Variants in ATP10B observed in about 807,000 individuals in gnomAD.
ATP10B encodes the protein phospholipid-transporting ATPase VB.
In ATP10B, 122 loss-of-function variants were observed where a neutral mutation model predicts 141.2. The ratio of observed to expected loss-of-function variants is 0.86; its 90% CI spans 0.75 to 1.00. The LOEUF is 1.00. ATP10B is among the 50% of genes least tolerant of loss of function. The probability of loss-of-function intolerance (pLI) is 0.00; values close to 1 mark genes in which losing one functional copy is unlikely to be tolerated. For synonymous variants in ATP10B, 685 were observed against 692.0 expected, an observed-to-expected ratio of 0.99 and a Z score of 0.16; for missense variants, 1,876 against 1,825.3, an observed-to-expected ratio of 1.03 and a Z score of -0.51.
the ATP10B span, among the ~76,000 whole-genome samples, chr5:160,894,518 G>A: frequency 6.6e-6 from 1 of 151,934 alleles, no homozygotes; most frequent in African/African-American, 2.4e-5. Flanking sequence ...AGAATGAGAA[G>A]GAACAAACAA....
chr5:160,898,215 C>A, the ATP10B span, among the ~76,000 whole-genome samples: 1 of 152,048 alleles, frequency 6.6e-6, no homozygotes, highest in South Asian at 2.1e-4. Context: ...GAATAGGAAA[C>A]CTACAGAATG....
chr5:160,883,945 A>G, the ATP10B span, among the ~76,000 whole-genome samples: 2 of 152,192 alleles, frequency 1.3e-5, no homozygotes, highest in Admixed American at 1.3e-4. Context: ...TTAAGACTCT[A>G]TCAGGAAATC....
the ATP10B span, among the ~76,000 whole-genome samples, chr5:160,908,878 G>T: frequency 6.6e-6 from 1 of 152,082 alleles, no homozygotes; most frequent in African/African-American, 2.4e-5. Context: ...TCAAATCTAA[G>T]CTTCTGCTAG....
intron 6 of ATP10B, among the ~76,000 whole-genome samples, chr5:160,682,728 T>G (rs987608558): frequency 2.0e-5 from 3 of 151,972 alleles, no homozygotes; most frequent in African/African-American, 7.3e-5. Context: ...TGACGGTGGA[T>G]TGGTGCCAAA....
intron 22 of ATP10B, among the ~76,000 whole-genome samples, chr5:160,594,529 A>C (rs1324076077): frequency 6.6e-5 from 10 of 151,962 alleles, no homozygotes; most frequent in Non-Finnish European, 1.2e-4. Flanking sequence ...ATCAAATTCA[A>C]ACATAACAAT....
chr5:160,720,628 A>G (rs2127781333), intron 2 of ATP10B, among the ~76,000 whole-genome samples: 1 of 152,318 alleles, frequency 6.6e-6, no homozygotes, highest in South Asian at 2.1e-4. Context: ...TATTTCAACA[A>G]TTTCAGCACA....
the ATP10B span, among the ~76,000 whole-genome samples, chr5:160,873,674 C>G: frequency 2.0e-5 from 3 of 152,206 alleles, no homozygotes; most frequent in African/African-American, 7.2e-5. Flanking sequence ...TCAGTGGGTG[C>G]ACGCACTGTG....
chr5:160,596,169 C>A (rs905174098), intron 22 of ATP10B, among the ~76,000 whole-genome samples: 4 of 152,304 alleles, frequency 2.6e-5, no homozygotes, highest in Middle Eastern at 3.4e-3. Context: ...CCAAACCCAG[C>A]AGCACATCAA....
At chr5:160,864,088 T>A in the ATP10B span, among the ~76,000 whole-genome samples, 1 of 151,972 alleles carries the variant, frequency 6.6e-6, no homozygotes, top group African/African-American at 2.4e-5. Flanking sequence ...AGTTATTCTA[T>A]AAAATCAGTA....
the ATP10B span, among the ~76,000 whole-genome samples, chr5:160,893,032 C>T: frequency 3.3e-5 from 5 of 151,964 alleles, no homozygotes; most frequent in African/African-American, 1.2e-4. Context: ...TTTGCTTTTC[C>T]TACAGTCTTC....
intron 17 of ATP10B, 37 bp from the exon 18 acceptor site, chr5:160,612,962 G>T (rs376260960): frequency 6.4e-7 from 1 of 1,574,768 alleles, no homozygotes; most frequent in African/African-American, 1.4e-5. Context: ...CACATTTATC[G>T]TAAAAGAGTA....
the ATP10B span, among the ~76,000 whole-genome samples, chr5:160,883,852 C>T: frequency 6.6e-6 from 1 of 151,796 alleles, no homozygotes; most frequent in East Asian, 1.9e-4. Flanking sequence ...TGGCTGCTTT[C>T]GTACATTATT....
intron 18 of ATP10B, chr5:160,611,831 C>T (rs1019508725): frequency 6.6e-6 from 1 of 152,250 alleles, no homozygotes; most frequent in Non-Finnish European, 1.5e-5. Flanking sequence ...GCCCACACCC[C>T]TGCAGTAGAG....
intron 2 of ATP10B, among the ~76,000 whole-genome samples, chr5:160,782,943 A>C: frequency 6.6e-6 from 1 of 152,164 alleles, no homozygotes; most frequent in South Asian, 2.1e-4. Context: ...TCCATTATAT[A>C]GAAGTATATA....
chr5:160,926,304 C>T, the ATP10B span, among the ~76,000 whole-genome samples: 3 of 152,266 alleles, frequency 2.0e-5, no homozygotes, highest in East Asian at 1.9e-4. Flanking sequence ...GATTCAAGCC[C>T]GGGTCTTCAG....
intron 3 of ATP10B, among the ~76,000 whole-genome samples, chr5:160,716,002 C>A (rs1445895068): frequency 6.6e-6 from 1 of 152,154 alleles, no homozygotes; most frequent in Non-Finnish European, 1.5e-5. Context: ...AGCCACCATA[C>A]CCGGCCAGAA....
intron 24 of ATP10B, among the ~76,000 whole-genome samples, chr5:160,588,596 C>T (rs770052505): frequency 3.9e-5 from 6 of 152,280 alleles, no homozygotes; most frequent in East Asian, 3.9e-4. Context: ...TAAAGGCTCA[C>T]GTTAAACTGC....
At chr5:160,719,545 T>A (rs1765873429) in intron 2 of ATP10B, among the ~76,000 whole-genome samples, 1 of 152,208 alleles carries the variant, frequency 6.6e-6, no homozygotes, top group African/African-American at 2.4e-5. Context: ...GGTTGCTGAG[T>A]TGAATGGAAA....
intron 15 of ATP10B, among the ~76,000 whole-genome samples, chr5:160,620,024 T>C (rs1197696911): frequency 6.6e-6 from 1 of 152,196 alleles, no homozygotes; most frequent in Non-Finnish European, 1.5e-5. Flanking sequence ...GGTAAGATAA[T>C]GGATGTTCTA....
Sources: allele counts gnomAD v4.1 joint callset (sites outside exome capture counted in the v4.1 genomes callset), GRCh38; gene constraint gnomAD v4.1.1; transcripts MANE v1.5; gene names NCBI Gene and HGNC (gene_info 2026-07-23, HGNC 2026-07-21).